PPARGC1A: variants seen among roughly 807,000 people sequenced by gnomAD.
The protein encoded by PPARGC1A is PPARG coactivator 1 alpha.
Under a neutral mutation model 88.7 loss-of-function variants are expected in PPARGC1A, and 25 were observed. The observed-to-expected ratio is 0.28, with a 90% CI of 0.21 to 0.39. The LOEUF is 0.39. PPARGC1A is among the 10% of genes least tolerant of loss of function. The pLI is 1.00. For synonymous variants in PPARGC1A, 363 were observed against 355.6 expected, an observed-to-expected ratio of 1.02 and a Z score of -0.24; for missense variants, 880 against 968.7, an observed-to-expected ratio of 0.91 and a Z score of 1.22.
the PPARGC1A span, among the ~76,000 whole-genome samples, chr4:24,022,459 T>C: frequency 6.6e-6 from 1 of 152,144 alleles, no homozygotes; most frequent in Non-Finnish European, 1.5e-5. Context: ...CCTTGCCAAC[T>C]GTGATGTAAG....
chr4:23,793,883 A>C lies in PPARGC1A; in HGVS notation c.*1939T>G, dbSNP rs540195077. The C allele has an allele frequency of 6.6e-6, 1 of 152,596 alleles. No individual in the cohort carries two copies. The highest frequency in any genetic ancestry group is 2.4e-5 in the African/African-American group (1 of 41,574). The allele number at this position is 152,596 out of a possible 1,614,324, so 9.5% of individuals were successfully genotyped here. Reference sequence around the variant, plus strand: ...ACAATTGTCATGCATCCTAGGTAGAAAATTTCCACTGGCTTTATTATTTTC... The same window carrying C: ...ACAATTGTCATGCATCCTAGGTAGACAATTTCCACTGGCTTTATTATTTTC... On this transcript the variant is annotated 3_prime_UTR_variant, in exon 13 of 13. Transcript: ENST00000264867.
At chr4:24,289,618 T>A in the PPARGC1A span, among the ~76,000 whole-genome samples, 1 of 152,238 alleles carries the variant, frequency 6.6e-6, no homozygotes, top group Non-Finnish European at 1.5e-5. Flanking sequence ...TTCTCACTAG[T>A]GATTCCTCAA....
At chr4:24,076,318 G>A in the PPARGC1A span, among the ~76,000 whole-genome samples, 1 of 152,178 alleles carries the variant, frequency 6.6e-6, no homozygotes, top group African/African-American at 2.4e-5. Flanking sequence ...CTGTGGAGGA[G>A]TCAGCCCTCT....
chr4:24,330,958 A>G, the PPARGC1A span, among the ~76,000 whole-genome samples: 1 of 152,122 alleles, frequency 6.6e-6, no homozygotes, highest in Non-Finnish European at 1.5e-5. Flanking sequence ...TACCTCTATC[A>G]TGATCCCCTC....
chr4:24,424,861 C>G, the PPARGC1A span, among the ~76,000 whole-genome samples: 1 of 152,176 alleles, frequency 6.6e-6, no homozygotes, highest in Admixed American at 6.5e-5. Context: ...CCGTTGACAC[C>G]TGCTGGGAAC....
the PPARGC1A span, among the ~76,000 whole-genome samples, chr4:24,260,823 GCCTA>G: frequency 6.6e-6 from 1 of 151,608 alleles, no homozygotes; most frequent in Admixed American, 6.6e-5. Context: ...TTTTTAAATT[GCCTA>G]CCTGACAAAA....
At chr4:24,437,383 G>A in the PPARGC1A span, among the ~76,000 whole-genome samples, 1 of 152,166 alleles carries the variant, frequency 6.6e-6, no homozygotes, top group East Asian at 1.9e-4. Flanking sequence ...CACCTGAAGG[G>A]CAGACATGAG....
chr4:24,457,069 A>G, the PPARGC1A span, among the ~76,000 whole-genome samples: 1 of 152,206 alleles, frequency 6.6e-6, no homozygotes, highest in Non-Finnish European at 1.5e-5. Flanking sequence ...AAAAGGGTAG[A>G]ATATGGTCTA....
At chr4:24,163,260 T>C in the PPARGC1A span, among the ~76,000 whole-genome samples, 2 of 150,092 alleles carry the variant, frequency 1.3e-5, no homozygotes, top group African/African-American at 4.9e-5. Flanking sequence ...GTAAGAGAGT[T>C]TATCAATTCT....
the PPARGC1A span, among the ~76,000 whole-genome samples, chr4:24,180,370 G>GTTTCATAAAT: frequency 2.0e-5 from 3 of 152,032 alleles, no homozygotes; most frequent in Non-Finnish European, 4.4e-5. Context: ...TTCATAAACT[G>GTTTCATAAAT]GTTACATTTT....
chr4:24,327,876 G>A, the PPARGC1A span, among the ~76,000 whole-genome samples: 17 of 152,068 alleles, frequency 1.1e-4, no homozygotes, highest in African/African-American at 3.1e-4. Flanking sequence ...ACTTGCACGT[G>A]TATGCCCAGA....
At chr4:24,238,702 C>G in the PPARGC1A span, among the ~76,000 whole-genome samples, 5 of 151,438 alleles carry the variant, frequency 3.3e-5, no homozygotes, top group Middle Eastern at 3.4e-3. Context: ...TTTTACCTCT[C>G]CAGAAGATCT....
chr4:24,148,593 A>G, the PPARGC1A span, among the ~76,000 whole-genome samples: 1 of 152,210 alleles, frequency 6.6e-6, no homozygotes, highest in Admixed American at 6.5e-5. Flanking sequence ...AAACTAGCAC[A>G]TCAACATGAG....
chr4:24,342,016 A>G, the PPARGC1A span, among the ~76,000 whole-genome samples: 1 of 152,286 alleles, frequency 6.6e-6, no homozygotes, highest in East Asian at 1.9e-4. Flanking sequence ...TCATCTCACC[A>G]CAGGACCCAA....
At chr4:23,913,642 T>C in the PPARGC1A span, among the ~76,000 whole-genome samples, 24 of 152,182 alleles carry the variant, frequency 1.6e-4, no homozygotes, top group Admixed American at 1.5e-3. Context: ...ACAAGAACAA[T>C]GTCTTGTTCA....
chr4:23,883,052 T>C (rs1716242851), intron 2 of PPARGC1A: 1 of 152,182 alleles, frequency 6.6e-6, no homozygotes, highest in Non-Finnish European at 1.5e-5. Flanking sequence ...GTTTATTTAA[T>C]GCAGCATGAC....
chr4:24,278,437 C>T, the PPARGC1A span, among the ~76,000 whole-genome samples: 1 of 152,084 alleles, frequency 6.6e-6, no homozygotes, highest in African/African-American at 2.4e-5. Flanking sequence ...TATTGAGCAC[C>T]AACTATGTGT....
At chr4:24,345,543 A>C in the PPARGC1A span, among the ~76,000 whole-genome samples, 1 of 152,016 alleles carries the variant, frequency 6.6e-6, no homozygotes, top group African/African-American at 2.4e-5. Flanking sequence ...TTTTGCAGCT[A>C]TTGTAAAAGA....
chr4:24,306,211 G>A, the PPARGC1A span, among the ~76,000 whole-genome samples: 1 of 152,126 alleles, frequency 6.6e-6, no homozygotes, highest in Non-Finnish European at 1.5e-5. Context: ...TGGGATGGGG[G>A]TAAAATCTCA....
Sources: allele counts gnomAD v4.1 joint callset (sites outside exome capture counted in the v4.1 genomes callset), GRCh38; gene constraint gnomAD v4.1.1; transcripts MANE v1.5; gene names NCBI Gene and HGNC (gene_info 2026-07-23, HGNC 2026-07-21).